PTPRD: variants seen among roughly 807,000 people sequenced by gnomAD.
PTPRD encodes protein tyrosine phosphatase receptor type D.
In PTPRD, 34 loss-of-function variants were observed where a neutral mutation model predicts 214.5. The observed-to-expected ratio is 0.16, with a 90% CI of 0.12 to 0.21. PTPRD has a LOEUF of 0.21. Ranked by LOEUF, PTPRD falls within the 10% of genes least tolerant of loss-of-function variation. PTPRD has a pLI of 1.00. For synonymous variants in PTPRD, 1,128 were observed against 845.7 expected, an observed-to-expected ratio of 1.33 and a Z score of -5.79; for missense variants, 2,545 against 2,398.7, an observed-to-expected ratio of 1.06 and a Z score of -1.27.
intron 2 of PTPRD, among the ~76,000 whole-genome samples, chr9:10,506,678 A>G (rs1273103275): frequency 5.9e-5 from 9 of 152,138 alleles, no homozygotes; most frequent in Non-Finnish European, 1.3e-4. Flanking sequence ...ACTACAATCT[A>G]TTTAGTTGTC....
intron 10 of PTPRD, among the ~76,000 whole-genome samples, chr9:9,114,821 T>TG (rs1371427144): frequency 1.3e-5 from 2 of 152,100 alleles, no homozygotes; most frequent in African/African-American, 4.8e-5. Context: ...CTATGGGCCT[T>TG]GGGCATTATC....
intron 9 of PTPRD, among the ~76,000 whole-genome samples, chr9:9,334,236 G>A (rs1595937063): frequency 6.6e-6 from 1 of 152,016 alleles, no homozygotes; most frequent in East Asian, 1.9e-4. Context: ...AGTTGTTGCT[G>A]TACTTCAGGA....
At chr9:8,524,566 G>C (rs1320726064) in intron 18 of PTPRD, among the ~76,000 whole-genome samples, 2 of 151,892 alleles carry the variant, frequency 1.3e-5, no homozygotes, top group African/African-American at 4.8e-5. Context: ...AATTATTTCA[G>C]GGGTTTAATA....
At chr9:8,491,055 C>T (rs538276220) in intron 27 of PTPRD, among the ~76,000 whole-genome samples, 2 of 152,186 alleles carry the variant, frequency 1.3e-5, no homozygotes, top group Admixed American at 6.5e-5. Flanking sequence ...CCATGAGTAG[C>T]GGCTGCTTAT....
chr9:8,961,445 G>C (rs910796762), intron 11 of PTPRD, among the ~76,000 whole-genome samples: 1 of 152,062 alleles, frequency 6.6e-6, no homozygotes, highest in Non-Finnish European at 1.5e-5. Context: ...CATTTGGCCT[G>C]GTTCTGCACT....
intron 2 of PTPRD, among the ~76,000 whole-genome samples, chr9:10,503,842 C>T (rs2044751591): frequency 2.0e-5 from 3 of 151,714 alleles, no homozygotes; most frequent in African/African-American, 7.3e-5. Flanking sequence ...GAAGGCTGGG[C>T]GCGGGGGCTC....
intron 8 of PTPRD, among the ~76,000 whole-genome samples, chr9:9,555,053 G>T (rs2081187799): frequency 6.6e-6 from 1 of 151,966 alleles, no homozygotes; most frequent in African/African-American, 2.4e-5. Context: ...TTTAGACTCA[G>T]TTCTAAAAGT....
At chr9:8,665,183 A>T (rs2097146767) in intron 12 of PTPRD, among the ~76,000 whole-genome samples, 1 of 152,160 alleles carries the variant, frequency 6.6e-6, no homozygotes, top group Non-Finnish European at 1.5e-5. Context: ...GATTTTGTTT[A>T]TTTGTTTCAA....
At chr9:8,430,338 C>G (rs932716168) in intron 35 of PTPRD, among the ~76,000 whole-genome samples, 37 of 151,840 alleles carry the variant, frequency 2.4e-4, no homozygotes, top group African/African-American at 9.0e-4. Flanking sequence ...GACATGATCT[C>G]AGCTCACTGC....
intron 11 of PTPRD, among the ~76,000 whole-genome samples, chr9:8,750,319 G>T (rs373832995): frequency 2.6e-5 from 4 of 151,798 alleles, no homozygotes; most frequent in Non-Finnish European, 5.9e-5. Flanking sequence ...CACCACGCCC[G>T]GCTAATTTTT....
At chr9:9,419,658 A>G (rs2078075071) in intron 8 of PTPRD, among the ~76,000 whole-genome samples, 1 of 151,684 alleles carries the variant, frequency 6.6e-6, no homozygotes, top group Non-Finnish European at 1.5e-5. Flanking sequence ...AACCCAGTTT[A>G]TTAGTTACTG....
At chr9:9,931,097 C>T (rs2086328027) in intron 5 of PTPRD, among the ~76,000 whole-genome samples, 2 of 151,984 alleles carry the variant, frequency 1.3e-5, no homozygotes, top group South Asian at 2.1e-4. Flanking sequence ...TTCTTCTATC[C>T]TATTTTTATG....
At chr9:8,691,033 T>C (rs1267061361) in intron 12 of PTPRD, among the ~76,000 whole-genome samples, 2 of 152,148 alleles carry the variant, frequency 1.3e-5, no homozygotes, top group South Asian at 2.1e-4. Flanking sequence ...AAAAATTATC[T>C]TTCTCTCCTA....
At chr9:9,445,923 C>G (rs915929223) in intron 8 of PTPRD, among the ~76,000 whole-genome samples, 1 of 152,102 alleles carries the variant, frequency 6.6e-6, no homozygotes, top group Non-Finnish European at 1.5e-5. Context: ...GGTTCCTTAG[C>G]ACAGTTGTGC....
chr9:8,420,849 G>A lies in PTPRD; in HGVS notation c.4086+15743C>T, dbSNP rs186475583. 1.0e-3 allele frequency among the ~76,000 whole-genome samples: 156 copies of A among 149,114 alleles called. 1 individual carries two copies. Among genetic ancestry groups the A allele is most frequent in the East Asian group, 6.4e-3 (32 of 5,038 alleles). On this transcript the variant is annotated intron_variant, in intron 35 of 45. Coordinates refer to ENST00000381196, the MANE Select transcript of PTPRD (RefSeq NM_002839.4). ...AAGAAAATATAAAGACACTGAGAGC[G>A]TAGGAAAAGTGAGTTCTGTGATCAG... is the stretch of plus-strand genomic sequence containing the variant.
intron 7 of PTPRD, among the ~76,000 whole-genome samples, chr9:9,584,974 A>G (rs1222355874): frequency 6.6e-6 from 1 of 152,024 alleles, no homozygotes; most frequent in Non-Finnish European, 1.5e-5. Context: ...GACATCAAAT[A>G]CCATGTTCCT....
intron 7 of PTPRD, among the ~76,000 whole-genome samples, chr9:9,592,186 C>A (rs1309787968): frequency 6.6e-6 from 1 of 152,014 alleles, no homozygotes; most frequent in African/African-American, 2.4e-5. Context: ...ATTTAAAATA[C>A]ACCAATAAAG....
intron 12 of PTPRD, among the ~76,000 whole-genome samples, chr9:8,699,867 T>G (rs2098032126): frequency 6.6e-6 from 1 of 151,950 alleles, no homozygotes; most frequent in Non-Finnish European, 1.5e-5. Flanking sequence ...CTAGCAAGAG[T>G]TTCCCATTGT....
intron 9 of PTPRD, among the ~76,000 whole-genome samples, chr9:9,287,141 C>T (rs553361474): frequency 6.6e-6 from 1 of 151,214 alleles, no homozygotes; most frequent in East Asian, 2.0e-4. Flanking sequence ...AGGAGAATCG[C>T]TTGAACCTTG....
Sources: gnomAD v4.1 joint callset for allele counts (sites outside exome capture counted in the v4.1 genomes callset) on GRCh38, gnomAD v4.1.1 for gene constraint, MANE v1.5 for transcripts, NCBI Gene and HGNC (gene_info 2026-07-23, HGNC 2026-07-21) for gene names.